MTCH1: variants seen among roughly 807,000 people sequenced by gnomAD.
MTCH1 encodes mitochondrial carrier 1, also known as mitochondrial carrier homolog 1.
Under a neutral mutation model 49.3 loss-of-function variants are expected in MTCH1, and 23 were observed. That is an observed-to-expected ratio of 0.47 (90% CI 0.34 to 0.66). The LOEUF is 0.66. MTCH1 is among the 30% of genes least tolerant of loss of function. The pLI is 0.01. For synonymous variants in MTCH1, 229 were observed against 215.2 expected (o/e 1.06, Z -0.56); for missense variants, 397 against 532.1 (o/e 0.75, Z 2.50).
chr6:36,969,419 G>A (rs1763592598), intron 11 of MTCH1: 12 of 1,064,386 alleles, frequency 1.1e-5, no homozygotes, highest in Non-Finnish European at 1.4e-5. Flanking sequence ...ATTTCACTGC[G>A]AGGCAAATCA....
Position 36,968,282 on chromosome 6 carries a change from G to C in MTCH1, c.*621C>G, listed in dbSNP as rs965604286. Reference sequence around the variant, plus strand: ...CAGGTAACCAGATCCTGTACGCGAGGCATCACCATTAAACAGATGAGCATT... The same window carrying C: ...CAGGTAACCAGATCCTGTACGCGAGCCATCACCATTAAACAGATGAGCATT... On this transcript the variant is annotated 3_prime_UTR_variant, in exon 12 of 12. Coordinates refer to ENST00000373627, the MANE Select transcript of MTCH1 (RefSeq NM_001271641.2). 3.8e-5 allele frequency: 7 copies of C among 185,594 alleles called. No homozygotes were observed. The highest frequency in any genetic ancestry group is 8.0e-5 in the Non-Finnish European group (7 of 87,786). The allele number at this position is 185,594 out of a possible 1,614,324, so 11.5% of individuals were successfully genotyped here.
At chr6:36,970,943 C>T (rs570160355) in intron 8 of MTCH1, 64 of 554,994 alleles carry the variant, frequency 1.2e-4, no homozygotes, top group South Asian at 1.1e-3. Context: ...TGCAACCCAC[C>T]GGACTGTGAG....
At chr6:36,978,646 C>A (rs745782916) in intron 2 of MTCH1, 35 bp from the exon 3 acceptor site, 4 of 1,596,764 alleles carry the variant, frequency 2.5e-6, no homozygotes, top group Non-Finnish European at 2.6e-6. Flanking sequence ...GGAGTCACAC[C>A]CAGTTCAGGG....
At chr6:36,981,987 T>C (rs1200276529) in intron 1 of MTCH1, among the ~76,000 whole-genome samples, 1 of 152,228 alleles carries the variant, frequency 6.6e-6, no homozygotes, top group East Asian at 1.9e-4. Flanking sequence ...TCCATTTGTA[T>C]GTACTGCAAA....
rs1348784131 is a variant in MTCH1 at position 36,977,718 on chromosome 6, C to T, written c.592-27G>A. 13 of 1,586,794 alleles carry T rather than the reference C, an allele frequency of 8.2e-6. No homozygotes were observed. Among genetic ancestry groups the T allele is most frequent in the Middle Eastern group, 1.7e-4 (1 of 6,034 alleles). ...TGGAAGAGAGCATGGGGTGGGGACTCGCCACCCTCGGCCTGTCTCTGGAAC... is the reference window on the plus strand; with the variant it reads ...TGGAAGAGAGCATGGGGTGGGGACTTGCCACCCTCGGCCTGTCTCTGGAAC... On this transcript the variant is annotated intron_variant, in intron 4 of 11. Transcript: ENST00000373627. The surrounding 1 kb of genome is among the most constrained non-coding windows in gnomAD (Gnocchi z 5.4).
chr6:36,981,257 C>T (rs551882442), intron 2 of MTCH1, among the ~76,000 whole-genome samples: 3 of 152,246 alleles, frequency 2.0e-5, no homozygotes, highest in African/African-American at 4.8e-5. Context: ...ATCACCCCCA[C>T]GCATGTTCCA....
At chr6:36,986,431 C>T, upstream of MTCH1, 1 of 327,864 alleles carries the variant, frequency 3.1e-6, no homozygotes, top group African/African-American at 2.2e-5. Flanking sequence ...CAGGCCGGGG[C>T]GCTCCCCCGG....
chr6:36,974,581 T>C (rs1018145148), intron 7 of MTCH1, among the ~76,000 whole-genome samples: 4 of 152,146 alleles, frequency 2.6e-5, no homozygotes, highest in Admixed American at 6.5e-5. Flanking sequence ...GTAGGATGTT[T>C]AGCAGCGTCT....
Position 36,978,488 on chromosome 6 carries a change from G to C in MTCH1, c.513+17C>G. On this transcript the variant is annotated intron_variant, in intron 3 of 11. Coordinates refer to ENST00000373627, the MANE Select transcript of MTCH1 (RefSeq NM_001271641.2). ...AGGAAACCTCGGGCGACTGTTCCTGGCTTTGTGTGGGCTCACCTTCTTCAT... is the reference window on the plus strand; with the variant it reads ...AGGAAACCTCGGGCGACTGTTCCTGCCTTTGTGTGGGCTCACCTTCTTCAT... 1 of 1,612,152 alleles carries C rather than the reference G, an allele frequency of 6.2e-7. No individual in the cohort carries two copies. The highest frequency in any genetic ancestry group is 8.5e-7 in the Non-Finnish European group (1 of 1,178,460).
At chr6:36,975,839 AG>A in intron 6 of MTCH1, 122 bp from the exon 7 acceptor site, 1 of 823,448 alleles carries the variant, frequency 1.2e-6, no homozygotes. Flanking sequence ...AGGGATGGGG[AG>A]GACTATTACC....
chr6:36,970,237 GT>G (rs1189589508), intron 10 of MTCH1, 123 bp from the exon 11 acceptor site: 22 of 1,420,314 alleles, frequency 1.5e-5, no homozygotes, highest in Non-Finnish European at 1.5e-5. Flanking sequence ...TGACACCACA[GT>G]TTACCCCAGG....
chr6:36,985,364 C>T (rs1764260290), intron 1 of MTCH1, among the ~76,000 whole-genome samples: 1 of 151,708 alleles, frequency 6.6e-6, no homozygotes, highest in Non-Finnish European at 1.5e-5. Flanking sequence ...AGCCTCCGTT[C>T]CCCTCTACCC....
chr6:36,975,005 C>T (rs1049865844), intron 7 of MTCH1, among the ~76,000 whole-genome samples: 1 of 152,190 alleles, frequency 6.6e-6, no homozygotes, highest in African/African-American at 2.4e-5. Context: ...TCAGTATGTG[C>T]TTTCTTTAGA....
At chr6:36,986,223 C>G (rs1764315254), upstream of MTCH1, 1 of 1,378,590 alleles carries the variant, frequency 7.3e-7, no homozygotes, top group Non-Finnish European at 9.3e-7. Context: ...GCCACGCCCC[C>G]TCACCGGCGT....
rs1261650683 is a variant in MTCH1 at position 36,977,432 on chromosome 6, T to C, written c.650-182A>G. 3.3e-5 allele frequency among the ~76,000 whole-genome samples: 5 copies of C among 152,218 alleles called. No homozygotes were observed. The East Asian group carries it at 7.7e-4, about 24-fold the overall frequency. Reference sequence around the variant, plus strand: ...CATGACCACAGCATGCCATTTCTACTGCCTGGGAAGAGCCCCACCTCCCTT... The same window carrying C: ...CATGACCACAGCATGCCATTTCTACCGCCTGGGAAGAGCCCCACCTCCCTT... On this transcript the variant is annotated intron_variant, in intron 5 of 11. Coordinates refer to ENST00000373627, the MANE Select transcript of MTCH1 (RefSeq NM_001271641.2). This position sits in a 1 kb window ranked among gnomAD's most constrained non-coding sequence, Gnocchi z 5.4.
rs1013286971 is a variant in MTCH1 at position 36,970,651 on chromosome 6, A to G, written c.950T>C (p.Met317Thr). ...LAIRSYTKFV[M>T]GIAVSMLTYP... ...AGGACAGCTGGCACAACTTACCCCCATCACGAACTTGGTATAGCTCCGGAT... is the reference window on the plus strand; with the variant it reads ...AGGACAGCTGGCACAACTTACCCCCGTCACGAACTTGGTATAGCTCCGGAT... Residue 317 changes from methionine to threonine, a missense_variant, in exon 9 of 12, where the codon ATG (methionine) becomes ACG (threonine). Around this residue, in one of 2 missense-constraint regions of MTCH1, gnomAD observed 252 missense variants for 388.3 expected, o/e 0.65. Transcript: ENST00000373627. The G allele has an allele frequency of 6.2e-7, 1 of 1,614,204 alleles. No homozygotes were observed. The highest frequency in any genetic ancestry group is 8.5e-7 in the Non-Finnish European group (1 of 1,180,028).
chr6:36,982,915 C>T lies in MTCH1; in HGVS notation c.322-1243G>A, dbSNP rs779981293. 3.6e-4 allele frequency among the ~76,000 whole-genome samples: 55 copies of T among 152,310 alleles called. No homozygotes were observed. Among genetic ancestry groups the T allele is most frequent in the Admixed American group, 6.5e-4 (10 of 15,308 alleles). ...GGCCAGCTGGGCCCATGGACCAGAG[C>T]GATTCCTCTGACATGTGGGAGAGGA... is the stretch of plus-strand genomic sequence containing the variant. On this transcript the variant is annotated intron_variant, in intron 1 of 11. Coordinates refer to ENST00000373627, the MANE Select transcript of MTCH1 (RefSeq NM_001271641.2). This position sits in a 1 kb window ranked among gnomAD's most constrained non-coding sequence, Gnocchi z 4.1.
chr6:36,969,131 G>T (rs1042051341), intron 11 of MTCH1, 157 bp from the exon 12 acceptor site: 1 of 985,310 alleles, frequency 1.0e-6, no homozygotes, highest in Non-Finnish European at 1.2e-6. Flanking sequence ...GGCAGAATCT[G>T]CCTGTGTTGA....
chr6:36,970,827 T>TCA, intron 8 of MTCH1, 133 bp from the exon 9 acceptor site: 1 of 1,009,230 alleles, frequency 9.9e-7, no homozygotes. Flanking sequence ...CTGTCAGCCC[T>TCA]CACAGTCACT....
Sources: gnomAD v4.1 joint callset for allele counts (sites outside exome capture counted in the v4.1 genomes callset) on GRCh38, gnomAD v4.1.1 for gene constraint, gnomAD v4.1.1 regional missense constraint, Gnocchi (gnomAD v3.1) non-coding constraint, MANE v1.5 for transcripts, NCBI Gene and HGNC (gene_info 2026-07-23, HGNC 2026-07-21) for gene names.